Variants in SLC23A2 observed in about 807,000 individuals in gnomAD.
The protein encoded by SLC23A2 is solute carrier family 23 member 2, also known as Na(+)/L-ascorbic acid transporter 2.
SLC23A2 carries 36 observed loss-of-function variants against 73.3 expected under a neutral mutation model. That is an observed-to-expected ratio of 0.49 (90% CI 0.38 to 0.65). The LOEUF (loss-of-function observed/expected upper bound fraction) is 0.65, where lower values mean the gene tolerates loss of function less well. Ranked by LOEUF, SLC23A2 falls within the 30% of genes least tolerant of loss-of-function variation. The pLI is 0.00. For missense variants in SLC23A2, 507 were observed against 841.6 expected, an observed-to-expected ratio of 0.60 and a Z score of 4.92; for synonymous variants, 343 against 327.3, an observed-to-expected ratio of 1.05 and a Z score of -0.52.
chr20:4,911,550 C>T (rs1487680295), intron 4 of SLC23A2, among the ~76,000 whole-genome samples: 3 of 152,058 alleles, frequency 2.0e-5, no homozygotes, highest in African/African-American at 4.8e-5. Flanking sequence ...TATTAGAATA[C>T]ATAGTATACA....
At chr20:5,006,923 C>A (rs1416053622) in intron 1 of SLC23A2, among the ~76,000 whole-genome samples, 1 of 150,864 alleles carries the variant, frequency 6.6e-6, no homozygotes, top group Admixed American at 6.6e-5. Context: ...GGCTGCGTGG[C>A]AGGACCAAGA....
intron 3 of SLC23A2, among the ~76,000 whole-genome samples, chr20:4,914,213 C>T (rs900506261): frequency 1.2e-4 from 18 of 151,366 alleles, no homozygotes; most frequent in Admixed American, 2.0e-4. Context: ...TAAAGAACAC[C>T]TCAAACCAAT....
chr20:4,905,298 C>T (rs796171707), intron 4 of SLC23A2, among the ~76,000 whole-genome samples: 7 of 152,234 alleles, frequency 4.6e-5, no homozygotes, highest in African/African-American at 1.4e-4. Context: ...CAGGAGGGGG[C>T]TGTGTGGTCA....
At chr20:4,943,403 C>T (rs1272223090) in intron 2 of SLC23A2, among the ~76,000 whole-genome samples, 4 of 151,832 alleles carry the variant, frequency 2.6e-5, no homozygotes, top group African/African-American at 9.7e-5. Context: ...CACGGTGGAT[C>T]ACACCTGCAA....
At chr20:4,954,857 C>T (rs1162014900) in intron 2 of SLC23A2, among the ~76,000 whole-genome samples, 2 of 152,148 alleles carry the variant, frequency 1.3e-5, no homozygotes, top group East Asian at 1.9e-4. Flanking sequence ...AGATACATAA[C>T]CTGAATGACA....
intron 4 of SLC23A2, among the ~76,000 whole-genome samples, chr20:4,908,258 G>A (rs558197662): frequency 6.6e-6 from 1 of 152,280 alleles, no homozygotes; most frequent in South Asian, 2.1e-4. Flanking sequence ...CATGGGTCTT[G>A]AGCATGTGTA....
Position 4,862,703 on chromosome 20 carries a change from G to C in SLC23A2, c.1486+75C>G, listed in dbSNP as rs973777982. The stretch of plus-strand genomic sequence containing the variant: ...TTTATCGTTACCTTCTTACTGAAGG[G>C]AGTCAGCAAAAACACCATGACCCCT... On this transcript the variant is annotated intron_variant, in intron 14 of 16. Coordinates refer to ENST00000338244, the MANE Select transcript of SLC23A2 (RefSeq NM_005116.6). The surrounding 1 kb of genome is among the most constrained non-coding windows in gnomAD (Gnocchi z 5.1). 1.2e-4 allele frequency: 157 copies of C among 1,315,684 alleles called. 1 individual carries two copies. The Admixed American group carries it at 1.6e-3, about 14-fold the overall frequency. The allele number at this position is 1,315,684 out of a possible 1,614,324, so 81.5% of individuals were successfully genotyped here. A position where few individuals can be genotyped will look rare whatever the true frequency, so the allele number is the denominator to read the frequency against.
At position 4,872,208 on chromosome 20, in the gene SLC23A2, G is replaced by T. The variant is rs1930473782; in HGVS notation, c.1102+1728C>A. ...TGCCTAGTGTACTAAAGACTGAAAA[G>T]CACTGCTCAGGTATTCAAAAGCCCC... On this transcript the variant is annotated intron_variant, in intron 11 of 16. Coordinates refer to ENST00000338244, the MANE Select transcript of SLC23A2 (RefSeq NM_005116.6). The surrounding 1 kb of genome is among the most constrained non-coding windows in gnomAD (Gnocchi z 4.4). Among the ~76,000 whole-genome samples the T allele has an allele frequency of 6.6e-6, 1 of 152,136 alleles. No individual in the cohort carries two copies. Among genetic ancestry groups the T allele is most frequent in the African/African-American group, 2.4e-5 (1 of 41,430 alleles).
rs1463261746 is a variant in SLC23A2, at chr20:4,857,440, C to A, written c.1721-236G>T. 6.6e-6 allele frequency among the ~76,000 whole-genome samples: 1 copy of A among 152,220 alleles called. No homozygotes were observed. The highest frequency in any genetic ancestry group is 2.1e-4 in the South Asian group (1 of 4,824). On this transcript the variant is annotated intron_variant, in intron 16 of 16. Transcript: ENST00000338244. The surrounding 1 kb of genome is among the most constrained non-coding windows in gnomAD (Gnocchi z 4.0). ...AAACCAGAAGTCTAAGAAGCACTAA[C>A]CCCTCCATGTCCTCATTCAAGCAAT...
At position 4,978,891 on chromosome 20, in the gene SLC23A2, C is replaced by G. The variant is rs140263904; in HGVS notation, c.-281-7972G>C. Reference sequence around the variant, plus strand: ...ACGGATGCCGATTTTTAAACAAGAACCCTATAGGGTAAAATCAGAAAGAGT... The same window carrying G: ...ACGGATGCCGATTTTTAAACAAGAAGCCTATAGGGTAAAATCAGAAAGAGT... On this transcript the variant is annotated intron_variant, in intron 1 of 16. Coordinates refer to ENST00000338244, the MANE Select transcript of SLC23A2 (RefSeq NM_005116.6). Among the ~76,000 whole-genome samples, 333 of 152,252 alleles carry G rather than the reference C, an allele frequency of 2.2e-3. 2 individuals are homozygous for G. The highest frequency in any genetic ancestry group is 7.5e-3 in the African/African-American group (310 of 41,554).
chr20:4,887,999 G>A (rs987609059), intron 6 of SLC23A2, among the ~76,000 whole-genome samples: 38 of 152,120 alleles, frequency 2.5e-4, no homozygotes, highest in African/African-American at 3.9e-4. Context: ...GTGTGAAGAC[G>A]GTCAATTCTC....
intron 6 of SLC23A2, among the ~76,000 whole-genome samples, chr20:4,894,060 T>C (rs1277609314): frequency 6.6e-6 from 1 of 152,138 alleles, no homozygotes; most frequent in African/African-American, 2.4e-5. Context: ...CTGACCTGAT[T>C]TCTCTGGATT....
chr20:4,934,756 G>A (rs1359574698), intron 2 of SLC23A2, among the ~76,000 whole-genome samples: 3 of 151,920 alleles, frequency 2.0e-5, no homozygotes, highest in Admixed American at 6.6e-5. Flanking sequence ...CCAGCTACTC[G>A]GGAAGCTGAG....
chr20:4,895,509 G>C (rs1931485746), intron 6 of SLC23A2, among the ~76,000 whole-genome samples: 1 of 152,148 alleles, frequency 6.6e-6, no homozygotes, highest in Admixed American at 6.5e-5. Context: ...AAGTATTTTA[G>C]GAAACATAAT....
In SLC23A2 at chr20:4,852,624, G is replaced by A. The variant is rs949583246; in HGVS notation, c.*4348C>T. On this transcript the variant is annotated 3_prime_UTR_variant, in exon 17 of 17. Transcript: ENST00000338244. The surrounding 1 kb of genome is among the most constrained non-coding windows in gnomAD (Gnocchi z 4.3). ...AAAAAACAAACAAAACCCCAGAAAG[G>A]TATATATAGCCAAAGTCAGTCACAA... The A allele has an allele frequency of 1.3e-5, 2 of 152,496 alleles. No individual in the cohort carries two copies. The highest frequency in any genetic ancestry group is 3.4e-3 in the Middle Eastern group (1 of 292). 9.4% of individuals were successfully genotyped at this position (152,496 alleles called of 1,614,324 possible).
chr20:4,901,094 A>C (rs1931728189), intron 5 of SLC23A2, among the ~76,000 whole-genome samples: 1 of 152,112 alleles, frequency 6.6e-6, no homozygotes, highest in African/African-American at 2.4e-5. Flanking sequence ...ACATTCCAAA[A>C]AGTGTCCTTC....
intron 2 of SLC23A2, among the ~76,000 whole-genome samples, chr20:4,957,289 T>G (rs970824022): frequency 6.6e-6 from 1 of 151,964 alleles, no homozygotes; most frequent in Non-Finnish European, 1.5e-5. Context: ...GACTCCCATC[T>G]GTACAAAAAA....
chr20:4,997,865 T>G (rs1362824967), intron 1 of SLC23A2, among the ~76,000 whole-genome samples: 12 of 152,102 alleles, frequency 7.9e-5, no homozygotes, highest in Admixed American at 7.9e-4. Flanking sequence ...CAAGTGATCC[T>G]CCTGCCTCAG....
At chr20:4,894,826 A>G (rs1931459402) in intron 6 of SLC23A2, among the ~76,000 whole-genome samples, 3 of 152,140 alleles carry the variant, frequency 2.0e-5, no homozygotes, top group Admixed American at 1.3e-4. Context: ...TGGGTTTCCC[A>G]TCAACTCTGA....
Sources: gnomAD v4.1 joint callset for allele counts (sites outside exome capture counted in the v4.1 genomes callset) on GRCh38, gnomAD v4.1.1 for gene constraint, Gnocchi (gnomAD v3.1) non-coding constraint, MANE v1.5 for transcripts, NCBI Gene and HGNC (gene_info 2026-07-23, HGNC 2026-07-21) for gene names.